The following RAPGEF5 variants were observed in gnomAD, a reference collection of about 807,000 sequenced individuals.
RAPGEF5 encodes M-Ras-regulated GEF.
RAPGEF5 carries 65 observed loss-of-function variants against 125.2 expected under a neutral mutation model. That is an observed-to-expected ratio of 0.52 (90% confidence interval 0.43 to 0.64). The LOEUF is 0.64. Ranked by LOEUF, RAPGEF5 falls within the 30% of genes least tolerant of loss-of-function variation. RAPGEF5 has a pLI of 0.00. For synonymous variants in RAPGEF5, 391 were observed against 385.9 expected (o/e 1.01, Z -0.16); for missense variants, 958 against 1,048.1 (o/e 0.91, Z 1.19).
intron 9 of RAPGEF5, among the ~76,000 whole-genome samples, chr7:22,211,071 G>A (rs1219455372): frequency 6.6e-6 from 1 of 152,078 alleles, no homozygotes; most frequent in Non-Finnish European, 1.5e-5. Flanking sequence ...CTTGCCCACA[G>A]TCTGTTATGT....
chr7:22,345,279 A>C (rs981792444), intron 1 of RAPGEF5, among the ~76,000 whole-genome samples: 5 of 152,310 alleles, frequency 3.3e-5, no homozygotes, highest in African/African-American at 1.2e-4. Flanking sequence ...GTGGAGCCTC[A>C]GTTTTCTTAC....
At chr7:22,252,009 T>C (rs1186092349) in intron 7 of RAPGEF5, among the ~76,000 whole-genome samples, 1 of 152,096 alleles carries the variant, frequency 6.6e-6, no homozygotes, top group Non-Finnish European at 1.5e-5. Context: ...GCTCATCTAG[T>C]TTCCTCACAA....
chr7:22,308,428 T>C lies in RAPGEF5; in HGVS notation c.591A>G (p.Glu197=). 6.3e-7 allele frequency: 1 copy of C among 1,580,632 alleles called. No individual in the cohort carries two copies. The highest frequency in any genetic ancestry group is 8.6e-7 in the Non-Finnish European group (1 of 1,161,544). ...TTTGCCATTCTTCTTCTCTTTCAAA[T>C]TCACAGTACAAGTAGCTACATTCAT... ...SSDECSYLYC[E]FEREEEWQNG... The change falls in exon 5 of 26, where the codon GAA becomes GAG. Residue 197 remains glutamate, a synonymous_variant. Transcript: ENST00000665637.
chr7:22,276,583 T>G (rs960543406), intron 6 of RAPGEF5, among the ~76,000 whole-genome samples: 5 of 152,222 alleles, frequency 3.3e-5, no homozygotes, highest in Admixed American at 3.3e-4. Context: ...AAACTCAGAT[T>G]AGCGAAGACT....
chr7:22,178,822 C>T (rs1182658018), intron 11 of RAPGEF5, among the ~76,000 whole-genome samples: 2 of 152,058 alleles, frequency 1.3e-5, no homozygotes, highest in Non-Finnish European at 2.9e-5. Flanking sequence ...TCTCCATCTC[C>T]CTCCCCTCCC....
At chr7:22,204,640 T>C (rs1025817163) in intron 9 of RAPGEF5, among the ~76,000 whole-genome samples, 3 of 152,234 alleles carry the variant, frequency 2.0e-5, no homozygotes, top group African/African-American at 7.2e-5. Flanking sequence ...TGTTTTTTCA[T>C]GTTTTGTACA....
rs144547959 is a variant in RAPGEF5 at position 22,189,886 on chromosome 7, G to A, written c.1204+3481C>T. Among the ~76,000 whole-genome samples the A allele has an allele frequency of 7.9e-4, 121 of 152,284 alleles. 2 individuals are homozygous for A. The East Asian group carries it at 0.023, about 29-fold the overall frequency. ...AACAAAAAGGGAGCTTGTCACAGAT[G>A]AATGAACATTTCAAAACTGGCTGCA... On this transcript the variant is annotated intron_variant, in intron 11 of 25. Transcript: ENST00000665637.
chr7:22,236,311 C>T (rs1786186944), intron 7 of RAPGEF5, among the ~76,000 whole-genome samples: 1 of 152,148 alleles, frequency 6.6e-6, no homozygotes, highest in Non-Finnish European at 1.5e-5. Context: ...TTTCTGCCCA[C>T]TTCTCTGAGT....
Position 22,157,998 on chromosome 7 carries a change from A to G in RAPGEF5, c.1527-113T>C, listed in dbSNP as rs995742242. The G allele has an allele frequency of 3.2e-5, 30 of 942,324 alleles. No individual in the cohort carries two copies. In the Admixed American group the frequency reaches 3.2e-4, roughly 10 times the overall value. 58.4% of individuals were successfully genotyped at this position (942,324 alleles called of 1,614,324 possible). On this transcript the variant is annotated intron_variant, in intron 14 of 25. Coordinates refer to ENST00000665637, the MANE Select transcript of RAPGEF5 (RefSeq NM_012294.5). ...AGGCAGAGGATTTTGCTCTTTAAAAAAAATAAAACACAGTATTCATTAATT... is the reference window on the plus strand; with the variant it reads ...AGGCAGAGGATTTTGCTCTTTAAAAGAAATAAAACACAGTATTCATTAATT...
At position 22,357,076 on chromosome 7, in the gene RAPGEF5, C is replaced by T. The variant is rs1784436862; in HGVS notation, c.-16G>A. 9.7e-7 allele frequency: 1 copy of T among 1,032,714 alleles called. No homozygotes were observed. The highest frequency in any genetic ancestry group is 1.2e-6 in the Non-Finnish European group (1 of 861,324). The allele number at this position is 1,032,714 out of a possible 1,614,324, so 64.0% of individuals were successfully genotyped here. A position where few individuals can be genotyped will look rare whatever the true frequency, so the allele number is the denominator to read the frequency against. On this transcript the variant is annotated 5_prime_UTR_variant, in exon 1 of 26. Coordinates refer to ENST00000665637, the MANE Select transcript of RAPGEF5 (RefSeq NM_012294.5). ...CCATCCTCATGCCCTGACGGCGCTGCGGCGCCGGGGGCTCCTCTCCACCGC... is the reference window on the plus strand; with the variant it reads ...CCATCCTCATGCCCTGACGGCGCTGTGGCGCCGGGGGCTCCTCTCCACCGC...
At chr7:22,159,842 C>T (rs571563179) in intron 14 of RAPGEF5, among the ~76,000 whole-genome samples, 1 of 152,000 alleles carries the variant, frequency 6.6e-6, no homozygotes, top group African/African-American at 2.4e-5. Flanking sequence ...GGTGTGGTGA[C>T]TCACACTTGT....
Position 22,193,356 on chromosome 7 carries a change from C to T in RAPGEF5, c.1204+11G>A, listed in dbSNP as rs1431763848. The T allele has an allele frequency of 5.7e-6, 9 of 1,573,382 alleles. No individual in the cohort carries two copies. The highest frequency in any genetic ancestry group is 7.8e-6 in the Non-Finnish European group (9 of 1,158,210). ...TATCAGTCTGGAAGCATGAGCTACT[C>T]AGAGCCTTACCTGTTTCTTTGTCCT... On this transcript the variant is annotated intron_variant, in intron 11 of 25. Coordinates refer to ENST00000665637, the MANE Select transcript of RAPGEF5 (RefSeq NM_012294.5).
intron 4 of RAPGEF5, among the ~76,000 whole-genome samples, chr7:22,308,940 C>CTA (rs1188723510): frequency 6.6e-6 from 1 of 152,090 alleles, no homozygotes; most frequent in African/African-American, 2.4e-5. Flanking sequence ...TTGGTGACGT[C>CTA]TAGACATTTT....
intron 24 of RAPGEF5, among the ~76,000 whole-genome samples, chr7:22,128,891 AT>A (rs1177689109): frequency 6.6e-6 from 1 of 152,192 alleles, no homozygotes; most frequent in Admixed American, 6.5e-5. Context: ...AATTTAAAAT[AT>A]TATTTATGCC....
chr7:22,201,235 T>C (rs1266885068), intron 9 of RAPGEF5, among the ~76,000 whole-genome samples: 1 of 152,004 alleles, frequency 6.6e-6, no homozygotes, highest in Non-Finnish European at 1.5e-5. Flanking sequence ...CAGACAGAGG[T>C]AGGAGGAATA....
chr7:22,132,914 T>G (rs1048055542), intron 23 of RAPGEF5, among the ~76,000 whole-genome samples: 2 of 152,180 alleles, frequency 1.3e-5, no homozygotes, highest in Non-Finnish European at 2.9e-5. Flanking sequence ...CACAGCTATA[T>G]GTGTCAGAGC....
At chr7:22,128,758 C>T (rs950198233) in intron 24 of RAPGEF5, among the ~76,000 whole-genome samples, 1 of 152,204 alleles carries the variant, frequency 6.6e-6, no homozygotes, top group Non-Finnish European at 1.5e-5. Flanking sequence ...GGAGCCTGCC[C>T]TCTGAGGAAA....
chr7:22,147,754 T>G (rs1236642865), intron 18 of RAPGEF5, among the ~76,000 whole-genome samples: 4 of 152,200 alleles, frequency 2.6e-5, no homozygotes, highest in African/African-American at 9.7e-5. Flanking sequence ...CTTTCCAAAA[T>G]AGTTGATGTT....
intron 11 of RAPGEF5, among the ~76,000 whole-genome samples, chr7:22,187,661 T>C (rs1259077069): frequency 1.3e-5 from 2 of 152,230 alleles, no homozygotes; most frequent in African/African-American, 2.4e-5. Flanking sequence ...ATGGAAGGAC[T>C]GGCAGTGTAG....
Sources: allele counts gnomAD v4.1 joint callset (sites outside exome capture counted in the v4.1 genomes callset), GRCh38; gene constraint gnomAD v4.1.1; transcripts MANE v1.5; gene names NCBI Gene and HGNC (gene_info 2026-07-23, HGNC 2026-07-21).